GLIS3: variants seen among roughly 807,000 people sequenced by gnomAD.
The protein encoded by GLIS3 is zinc finger protein GLIS3.
A neutral mutation model predicts 78.6 loss-of-function variants in GLIS3; 53 were observed. That is an observed-to-expected ratio of 0.67 (90% CI 0.54 to 0.85). GLIS3 has a LOEUF of 0.85. Ranked by LOEUF, GLIS3 falls within the 40% of genes least tolerant of loss-of-function variation. The probability of loss-of-function intolerance (pLI) is 0.00; values close to 1 mark genes in which losing one functional copy is unlikely to be tolerated. For synonymous variants in GLIS3, 684 were observed against 509.9 expected, an observed-to-expected ratio of 1.34 and a Z score of -4.60; for missense variants, 1,703 against 1,231.1, an observed-to-expected ratio of 1.38 and a Z score of -5.74.
chr9:4,363,773 C>G, the GLIS3 span, among the ~76,000 whole-genome samples: 1 of 152,210 alleles, frequency 6.6e-6, no homozygotes, highest in African/African-American at 2.4e-5. Flanking sequence ...TCTGAAAATA[C>G]ATGCATACAA....
chr9:3,878,494 T>C lies in GLIS3; in HGVS notation c.2297+933A>G, dbSNP rs567208849. ...TTAAAACCACATATTACCAAACTCA[T>C]AGGTCAGGCCAACAATGATGGAACC... On this transcript the variant is annotated intron_variant, in intron 8 of 10. Transcript: ENST00000381971. The C allele has an allele frequency of 9.8e-5, 15 of 152,314 alleles. No individual in the cohort carries two copies. The East Asian group carries it at 2.9e-3, about 29-fold the overall frequency. The allele number at this position is 152,314 out of a possible 1,614,324, so 9.4% of individuals were successfully genotyped here.
At chr9:4,412,123 C>A in the GLIS3 span, among the ~76,000 whole-genome samples, 1 of 152,190 alleles carries the variant, frequency 6.6e-6, no homozygotes, top group Non-Finnish European at 1.5e-5. Flanking sequence ...TCCTACCACC[C>A]AAATAGCCCA....
At chr9:4,443,664 C>G in the GLIS3 span, among the ~76,000 whole-genome samples, 3 of 152,166 alleles carry the variant, frequency 2.0e-5, no homozygotes, top group Non-Finnish European at 4.4e-5. Context: ...AGAGAAATCA[C>G]TTGCAATGCA....
intron 5 of GLIS3, chr9:3,932,999 A>G: frequency 4.3e-6 from 1 of 232,354 alleles, no homozygotes. Context: ...TTTCAAACAG[A>G]CACGTGAAAA....
intron 4 of GLIS3, among the ~76,000 whole-genome samples, chr9:4,068,861 A>G (rs79302403): frequency 0.037 from 5,470 of 148,798 alleles, 161 homozygotes; most frequent in Non-Finnish European, 0.058. Flanking sequence ...TGTGTGTTTA[A>G]TATGTCTATT....
chr9:4,248,055 A>C (rs1004825761), intron 2 of GLIS3, among the ~76,000 whole-genome samples: 1 of 151,934 alleles, frequency 6.6e-6, no homozygotes, highest in Non-Finnish European at 1.5e-5. Flanking sequence ...TCTCCTACCC[A>C]CTGTCTCTGA....
At chr9:4,145,554 T>C (rs1217258261) in intron 2 of GLIS3, among the ~76,000 whole-genome samples, 4 of 152,142 alleles carry the variant, frequency 2.6e-5, no homozygotes, top group African/African-American at 4.8e-5. Context: ...GAGGCTAAAA[T>C]GAATCTAATA....
intron 4 of GLIS3, among the ~76,000 whole-genome samples, chr9:4,019,744 A>T (rs948767591): frequency 3.3e-5 from 5 of 152,060 alleles, no homozygotes; most frequent in African/African-American, 9.7e-5. Flanking sequence ...TTATTTATTT[A>T]CTTTTAGAGA....
At chr9:4,186,172 C>T (rs1051122688) in intron 2 of GLIS3, among the ~76,000 whole-genome samples, 2 of 143,056 alleles carry the variant, frequency 1.4e-5, no homozygotes, top group Non-Finnish European at 3.0e-5. Flanking sequence ...CAACAGTACC[C>T]AGAGTGTGAT....
At chr9:3,934,677 G>A (rs925043728) in intron 5 of GLIS3, among the ~76,000 whole-genome samples, 1 of 152,160 alleles carries the variant, frequency 6.6e-6, no homozygotes, top group East Asian at 1.9e-4. Flanking sequence ...CCAAAGTGCT[G>A]GGATTATAGG....
intron 2 of GLIS3, among the ~76,000 whole-genome samples, chr9:4,252,429 G>C (rs1326308674): frequency 2.0e-5 from 3 of 151,946 alleles, no homozygotes; most frequent in African/African-American, 7.2e-5. Flanking sequence ...GCTTCATGAA[G>C]TCCTTGTGCT....
intron 6 of GLIS3, among the ~76,000 whole-genome samples, chr9:3,900,184 G>GA (rs1420034490): frequency 4.0e-5 from 5 of 124,308 alleles, no homozygotes; most frequent in Non-Finnish European, 6.8e-5. Context: ...AACAGAAACT[G>GA]TTAAAAAAAA....
intron 2 of GLIS3, among the ~76,000 whole-genome samples, chr9:4,135,939 C>A (rs1833375228): frequency 1.3e-5 from 2 of 152,114 alleles, no homozygotes; most frequent in Admixed American, 1.3e-4. Context: ...TATTTCACTG[C>A]TGAGATACAT....
chr9:4,234,513 C>A (rs994626774), intron 2 of GLIS3, among the ~76,000 whole-genome samples: 4 of 152,136 alleles, frequency 2.6e-5, no homozygotes, highest in African/African-American at 4.8e-5. Context: ...GTTCATGACA[C>A]CCTAAAACAA....
intron 6 of GLIS3, among the ~76,000 whole-genome samples, chr9:3,912,758 A>T (rs1047415930): frequency 2.0e-5 from 3 of 152,212 alleles, no homozygotes; most frequent in Non-Finnish European, 4.4e-5. Flanking sequence ...GACTAAACTG[A>T]AGAATGCATT....
intron 4 of GLIS3, among the ~76,000 whole-genome samples, chr9:3,940,352 C>G (rs902791502): frequency 1.2e-4 from 19 of 152,062 alleles, no homozygotes; most frequent in African/African-American, 4.6e-4. Flanking sequence ...CTTAGGGAAG[C>G]AAGGAACATT....
chr9:3,893,477 T>C (rs975787179), intron 7 of GLIS3, among the ~76,000 whole-genome samples: 1 of 152,200 alleles, frequency 6.6e-6, no homozygotes. Flanking sequence ...GATCTCATTC[T>C]TAATCAAAAT....
chr9:4,074,761 G>A (rs1242104517), intron 4 of GLIS3, among the ~76,000 whole-genome samples: 1 of 152,102 alleles, frequency 6.6e-6, no homozygotes, highest in African/African-American at 2.4e-5. Context: ...TCAGCCTCCT[G>A]GTCTCAGCCA....
chr9:3,877,899 C>T (rs1431804252), intron 8 of GLIS3, among the ~76,000 whole-genome samples: 1 of 152,176 alleles, frequency 6.6e-6, no homozygotes, highest in Non-Finnish European at 1.5e-5. Context: ...GATTGTGTTT[C>T]TCTCTTAACA....
Sources: allele counts gnomAD v4.1 joint callset (sites outside exome capture counted in the v4.1 genomes callset), GRCh38; gene constraint gnomAD v4.1.1; transcripts MANE v1.5; gene names NCBI Gene and HGNC (gene_info 2026-07-23, HGNC 2026-07-21).